Variants in CEP112 observed in about 807,000 individuals in gnomAD.
CEP112 encodes the protein centrosomal protein of 112 kDa.
A neutral mutation model predicts 153.0 loss-of-function variants in CEP112; 127 were observed. That is an observed-to-expected ratio of 0.83 (90% CI 0.72 to 0.96). CEP112 has a LOEUF of 0.96. CEP112 is among the 40% of genes least tolerant of loss of function. The pLI is 0.00. For missense variants in CEP112, 1,089 were observed against 1,101.2 expected, an observed-to-expected ratio of 0.99 and a Z score of 0.16; for synonymous variants, 358 against 374.4, an observed-to-expected ratio of 0.96 and a Z score of 0.51.
chr17:66,027,501 C>G lies in CEP112; in HGVS notation c.1656G>C (p.Lys552Asn), dbSNP rs1568398509. The change falls in exon 16 of 27, where the codon AAG becomes AAC. Residue 552 changes from lysine (K) to asparagine (N), a missense_variant and splice_region_variant. Transcript: ENST00000535342. ...KSHLKHIYEK[K>N]AHDLQSELDK... ...TTATAGCTTCCATAAAACATATTAC[C>G]TTTTTTTCATAGATGTGTTTTAAAT... 4 of 1,342,564 alleles carry G rather than the reference C, an allele frequency of 3.0e-6. No individual in the cohort carries two copies. The highest frequency in any genetic ancestry group is 4.0e-6 in the Non-Finnish European group (4 of 1,006,374). 83.2% of individuals were successfully genotyped at this position (1,342,564 alleles called of 1,614,324 possible).
At chr17:66,177,456 G>A (rs1243336808) in intron 2 of CEP112, among the ~76,000 whole-genome samples, 6 of 152,168 alleles carry the variant, frequency 3.9e-5, no homozygotes. Flanking sequence ...TGAGTACACA[G>A]TAGATATATA....
intron 18 of CEP112, among the ~76,000 whole-genome samples, chr17:65,949,258 G>A (rs2061741013): frequency 6.6e-6 from 1 of 152,212 alleles, no homozygotes; most frequent in South Asian, 2.1e-4. Flanking sequence ...GTTCTAAATG[G>A]GGTCCCTTGT....
intron 21 of CEP112, among the ~76,000 whole-genome samples, chr17:65,771,131 C>T (rs766048249): frequency 4.0e-5 from 6 of 151,812 alleles, no homozygotes; most frequent in African/African-American, 9.7e-5. Flanking sequence ...GGTGCTTTCA[C>T]GATAAATGCT....
At chr17:66,142,505 G>A (rs1354415843) in intron 4 of CEP112, among the ~76,000 whole-genome samples, 2 of 152,004 alleles carry the variant, frequency 1.3e-5, no homozygotes, top group South Asian at 2.1e-4. Flanking sequence ...AGTCTTTAAC[G>A]CATTTCTAGT....
At chr17:65,741,638 C>T (rs1273717337) in intron 23 of CEP112, among the ~76,000 whole-genome samples, 1 of 151,456 alleles carries the variant, frequency 6.6e-6, no homozygotes, top group Non-Finnish European at 1.5e-5. Context: ...AATACCAGAA[C>T]TATGCTGTCA....
chr17:65,737,155 C>T (rs1360018480), intron 23 of CEP112, among the ~76,000 whole-genome samples: 1 of 152,066 alleles, frequency 6.6e-6, no homozygotes, highest in African/African-American at 2.4e-5. Context: ...TCTCCCAACA[C>T]CAAATAAAAT....
chr17:65,888,463 C>A (rs1020716206), intron 20 of CEP112, among the ~76,000 whole-genome samples: 16 of 151,746 alleles, frequency 1.1e-4, no homozygotes, highest in Admixed American at 2.6e-4. Context: ...ACAAAGAGAT[C>A]AATGAAAGAA....
At chr17:65,960,632 A>G (rs1374961101) in intron 18 of CEP112, among the ~76,000 whole-genome samples, 1 of 152,202 alleles carries the variant, frequency 6.6e-6, no homozygotes, top group African/African-American at 2.4e-5. Context: ...TACAACATCT[A>G]CATGTCACTT....
chr17:65,956,684 G>A (rs1203615936), intron 18 of CEP112, among the ~76,000 whole-genome samples: 1 of 151,966 alleles, frequency 6.6e-6, no homozygotes, highest in Non-Finnish European at 1.5e-5. Context: ...AGTATACACC[G>A]CTAGGGTGAT....
chr17:65,790,024 A>G (rs1267533108), intron 21 of CEP112, among the ~76,000 whole-genome samples: 1 of 152,188 alleles, frequency 6.6e-6, no homozygotes, highest in African/African-American at 2.4e-5. Context: ...AACAGAGGAA[A>G]ACAAAATGGG....
chr17:66,190,172 G>T (rs1029232979), intron 1 of CEP112, among the ~76,000 whole-genome samples: 3 of 151,926 alleles, frequency 2.0e-5, no homozygotes, highest in African/African-American at 4.8e-5. Flanking sequence ...AGCCGGGCAT[G>T]GTGGCAGGCA....
intron 6 of CEP112, among the ~76,000 whole-genome samples, chr17:66,128,308 A>AAG (rs1252117319): frequency 3.9e-4 from 59 of 150,682 alleles, no homozygotes; most frequent in African/African-American, 1.4e-3. Context: ...GTCTCAAAAA[A>AAG]AAAAAAAAAA....
chr17:66,155,489 T>C (rs2071399110), intron 4 of CEP112, among the ~76,000 whole-genome samples: 1 of 150,992 alleles, frequency 6.6e-6, no homozygotes, highest in Non-Finnish European at 1.5e-5. Flanking sequence ...TCGAGATAGC[T>C]GTAGGAGGTT....
At chr17:65,788,000 A>G (rs1449650795) in intron 21 of CEP112, among the ~76,000 whole-genome samples, 2 of 152,198 alleles carry the variant, frequency 1.3e-5, no homozygotes, top group African/African-American at 4.8e-5. Context: ...TCCTGATTTT[A>G]AAGGGAATCC....
chr17:65,838,693 A>G (rs1430305004), intron 21 of CEP112, among the ~76,000 whole-genome samples: 1 of 152,072 alleles, frequency 6.6e-6, no homozygotes, highest in Non-Finnish European at 1.5e-5. Flanking sequence ...AAAAAGAAAA[A>G]TCAGCAAAAC....
chr17:65,753,186 C>T (rs551251169), intron 21 of CEP112, among the ~76,000 whole-genome samples: 2 of 152,280 alleles, frequency 1.3e-5, no homozygotes, highest in East Asian at 3.9e-4. Context: ...GTGCTCACAG[C>T]CCACTCCAGG....
At chr17:66,084,026 C>T (rs1398003217) in intron 8 of CEP112, among the ~76,000 whole-genome samples, 5 of 152,024 alleles carry the variant, frequency 3.3e-5, no homozygotes, top group Admixed American at 6.5e-5. Flanking sequence ...AAGCATAATA[C>T]AAAAACCAGA....
At chr17:65,649,269 A>G (rs1426405297) in intron 24 of CEP112, among the ~76,000 whole-genome samples, 1 of 152,198 alleles carries the variant, frequency 6.6e-6, no homozygotes, top group Non-Finnish European at 1.5e-5. Flanking sequence ...GCAAGCTCCA[A>G]TGTGCCTAAC....
intron 17 of CEP112, among the ~76,000 whole-genome samples, chr17:65,965,344 A>AAGCACAGG (rs1215603940): frequency 6.6e-6 from 1 of 152,162 alleles, no homozygotes; most frequent in African/African-American, 2.4e-5. Context: ...ACTCAATTAT[A>AAGCACAGG]AGCACAGGGA....
Sources: gnomAD v4.1 joint callset for allele counts (sites outside exome capture counted in the v4.1 genomes callset) on GRCh38, gnomAD v4.1.1 for gene constraint, MANE v1.5 for transcripts, NCBI Gene and HGNC (gene_info 2026-07-23, HGNC 2026-07-21) for gene names.